Variants in DLGAP4 observed in about 807,000 individuals in gnomAD.
DLGAP4 encodes the protein DLG associated protein 4.
Under a neutral mutation model 86.9 loss-of-function variants are expected in DLGAP4, and 18 were observed. The observed-to-expected ratio is 0.21, with a 90% CI of 0.14 to 0.31. The LOEUF is 0.31. Among genes scored for constraint, DLGAP4 ranks in the 10% least tolerant of loss-of-function variants. The pLI, the probability that DLGAP4 is intolerant of heterozygous loss-of-function variation, is 1.00. For synonymous variants in DLGAP4, 548 were observed against 574.3 expected, an observed-to-expected ratio of 0.95 and a Z score of 0.65; for missense variants, 1,085 against 1,362.6, an observed-to-expected ratio of 0.80 and a Z score of 3.21.
At chr20:36,524,073 TTGTTTG>T (rs2147865632) in intron 10 of DLGAP4, among the ~76,000 whole-genome samples, 171 bp from the exon 11 acceptor site, 1 of 152,298 alleles carries the variant, frequency 6.6e-6, no homozygotes, top group Non-Finnish European at 1.5e-5. Flanking sequence ...TGGCTTTATA[TTGTTTG>T]TGTTTTTCTC....
At chr20:36,341,524 G>A (rs78187513) in intron 1 of DLGAP4, among the ~76,000 whole-genome samples, 116 of 152,326 alleles carry the variant, frequency 7.6e-4, no homozygotes, top group African/African-American at 2.5e-3. Context: ...CTTTGTTCCC[G>A]CAGTAACCCT....
chr20:36,364,860 TGAG>T (rs2030629789), intron 1 of DLGAP4, among the ~76,000 whole-genome samples: 1 of 152,074 alleles, frequency 6.6e-6, no homozygotes, highest in South Asian at 2.1e-4. Flanking sequence ...TTTGAGAGGC[TGAG>T]GTGGATGGAT....
rs62210460 is a variant in DLGAP4 at position 36,393,787 on chromosome 20, G to A, written c.-73+26512G>A. 4.1e-4 allele frequency among the ~76,000 whole-genome samples: 63 copies of A among 152,302 alleles called. No individual in the cohort carries two copies. The highest frequency in any genetic ancestry group is 6.8e-3 in the Middle Eastern group (2 of 294). ...ATTGGGGTCTTCATTGTTCAGATGA[G>A]GAACTGAGGCTCAGAGAGGGAGGTG... On this transcript the variant is annotated intron_variant, in intron 2 of 12. Transcript: ENST00000339266. This position sits in a 1 kb window ranked among gnomAD's most constrained non-coding sequence, Gnocchi z 4.4.
chr20:36,509,860 C>CT (rs796066122), intron 10 of DLGAP4, among the ~76,000 whole-genome samples: 190 of 145,408 alleles, frequency 1.3e-3, no homozygotes, highest in East Asian at 8.8e-3. Context: ...TATTGCTTGT[C>CT]TTTTTTTTTT....
At chr20:36,426,537 A>G (rs1012767121) in intron 2 of DLGAP4, among the ~76,000 whole-genome samples, 4 of 152,054 alleles carry the variant, frequency 2.6e-5, no homozygotes, top group Non-Finnish European at 5.9e-5. Flanking sequence ...AAAAAAATGA[A>G]TAAAAGAAAT....
chr20:36,331,497 C>T (rs936095736), intron 1 of DLGAP4, among the ~76,000 whole-genome samples: 1 of 152,186 alleles, frequency 6.6e-6, no homozygotes, highest in Admixed American at 6.5e-5. Context: ...GCAGGGGTCA[C>T]CCGGGCTGCT....
At chr20:36,433,021 A>G (rs2033170302) in intron 3 of DLGAP4, among the ~76,000 whole-genome samples, 1 of 152,140 alleles carries the variant, frequency 6.6e-6, no homozygotes. Flanking sequence ...AACCAATTGC[A>G]TGACATTCTA....
At chr20:36,480,193 G>A (rs1185348703) in intron 7 of DLGAP4, among the ~76,000 whole-genome samples, 2 of 152,112 alleles carry the variant, frequency 1.3e-5, no homozygotes, top group Non-Finnish European at 2.9e-5. Context: ...TTTGAAGGGG[G>A]CAGGGTAGCA....
At chr20:36,466,360 AG>A (rs1267385438) in intron 7 of DLGAP4, among the ~76,000 whole-genome samples, 1 of 152,192 alleles carries the variant, frequency 6.6e-6, no homozygotes, top group Non-Finnish European at 1.5e-5. Flanking sequence ...CACCATCATC[AG>A]CTTTGTTTTG....
intron 1 of DLGAP4, among the ~76,000 whole-genome samples, chr20:36,307,409 C>T (rs2065014615): frequency 6.6e-6 from 1 of 152,192 alleles, no homozygotes; most frequent in East Asian, 1.9e-4. Context: ...CCCTCCATCC[C>T]TTCATCCCTC....
At chr20:36,479,498 G>A (rs2035091385) in intron 7 of DLGAP4, among the ~76,000 whole-genome samples, 1 of 152,190 alleles carries the variant, frequency 6.6e-6, no homozygotes. Context: ...GGCCTGTGGT[G>A]TGCCTGAATG....
At chr20:36,491,901 T>C (rs2035680558) in intron 7 of DLGAP4, among the ~76,000 whole-genome samples, 1 of 152,208 alleles carries the variant, frequency 6.6e-6, no homozygotes, top group Non-Finnish European at 1.5e-5. Context: ...GTGGCATGAT[T>C]TGTCAGGACA....
chr20:36,511,774 C>G (rs979553428), intron 10 of DLGAP4, among the ~76,000 whole-genome samples: 2 of 150,562 alleles, frequency 1.3e-5, no homozygotes, highest in Non-Finnish European at 2.9e-5. Context: ...ACTTCTGAGG[C>G]TGAGGCAGGA....
At chr20:36,436,557 C>T (rs1007470917) in intron 4 of DLGAP4, among the ~76,000 whole-genome samples, 2 of 152,202 alleles carry the variant, frequency 1.3e-5, no homozygotes, top group Non-Finnish European at 2.9e-5. Context: ...TGGCTCACGC[C>T]TGTAATCCCA....
At chr20:36,518,049 C>T (rs1333496202) in intron 10 of DLGAP4, among the ~76,000 whole-genome samples, 2 of 152,128 alleles carry the variant, frequency 1.3e-5, no homozygotes, top group Non-Finnish European at 2.9e-5. Context: ...GGTGAAACCC[C>T]ATTTCTACAA....
Position 36,490,739 on chromosome 20 carries a change from C to A in DLGAP4, c.1649-5966C>A, listed in dbSNP as rs575521705. On this transcript the variant is annotated intron_variant, in intron 7 of 12. Coordinates refer to ENST00000339266, the MANE Select transcript of DLGAP4 (RefSeq NM_001365621.2). ...CCTGGGAGCCAGCAGGCATGAGGCCCGTGTTAGGCCTCAGGACCAAGTTCA... is the reference window on the plus strand; with the variant it reads ...CCTGGGAGCCAGCAGGCATGAGGCCAGTGTTAGGCCTCAGGACCAAGTTCA... Among the ~76,000 whole-genome samples, 3 of 152,306 alleles carry A rather than the reference C, an allele frequency of 2.0e-5. No individual in the cohort carries two copies. In the East Asian group the frequency reaches 5.8e-4, roughly 29 times the overall value.
chr20:36,352,379 T>C (rs2030185567), intron 1 of DLGAP4, among the ~76,000 whole-genome samples: 1 of 147,224 alleles, frequency 6.8e-6, no homozygotes, highest in South Asian at 2.1e-4. Flanking sequence ...ACTGAAGGGA[T>C]CATGAGTGCA....
intron 1 of DLGAP4, among the ~76,000 whole-genome samples, chr20:36,340,082 T>G (rs1304036099): frequency 2.6e-5 from 4 of 152,116 alleles, no homozygotes; most frequent in African/African-American, 9.7e-5. Context: ...ATCAACCCTG[T>G]GGGGTTTGGG....
chr20:36,435,676 A>G (rs993221191), intron 3 of DLGAP4, among the ~76,000 whole-genome samples: 3 of 152,108 alleles, frequency 2.0e-5, no homozygotes, highest in Admixed American at 2.0e-4. Context: ...CTGATCCCCC[A>G]TTCTAGGCTC....
Sources: gnomAD v4.1 joint callset for allele counts (sites outside exome capture counted in the v4.1 genomes callset) on GRCh38, gnomAD v4.1.1 for gene constraint, Gnocchi (gnomAD v3.1) non-coding constraint, MANE v1.5 for transcripts, NCBI Gene and HGNC (gene_info 2026-07-23, HGNC 2026-07-21) for gene names.